Variants in PLA2G7 observed in about 807,000 individuals in gnomAD.
PLA2G7 encodes the protein platelet-activating factor acetylhydrolase.
PLA2G7 carries 63 observed loss-of-function variants against 49.6 expected under a neutral mutation model. The ratio of observed to expected loss-of-function variants is 1.27; its 90% CI spans 1.04 to 1.57. The LOEUF (loss-of-function observed/expected upper bound fraction) is 1.57, where lower values mean the gene tolerates loss of function less well. Among genes scored for constraint, PLA2G7 ranks in the 40% most tolerant of loss-of-function variants. The pLI is 0.00. For missense variants in PLA2G7, 596 were observed against 521.2 expected, an observed-to-expected ratio of 1.14 and a Z score of -1.40; for synonymous variants, 193 against 169.9, an observed-to-expected ratio of 1.14 and a Z score of -1.06.
intron 1 of PLA2G7, among the ~76,000 whole-genome samples, chr6:46,723,380 G>T (rs12203227): frequency 3.3e-5 from 5 of 152,070 alleles, no homozygotes; most frequent in African/African-American, 1.2e-4. Context: ...TGGTTGTTTT[G>T]GGTGTTAATA....
chr6:46,718,293 T>C (rs929110104), intron 2 of PLA2G7, among the ~76,000 whole-genome samples: 1 of 152,248 alleles, frequency 6.6e-6, no homozygotes, highest in Admixed American at 6.5e-5. Flanking sequence ...AGGAGGAATG[T>C]ATTGTAATCT....
chr6:46,722,975 T>C, intron 1 of PLA2G7, 50 bp from the exon 2 acceptor site: 1 of 762,312 alleles, frequency 1.3e-6, no homozygotes, highest in South Asian at 1.5e-5. Flanking sequence ...TGAAGAGGCC[T>C]TAAATAAGCT....
intron 9 of PLA2G7, 54 bp downstream of exon 9, chr6:46,709,273 A>G (rs1251538682): frequency 2.0e-6 from 2 of 1,012,966 alleles, no homozygotes; most frequent in Non-Finnish European, 3.1e-6. Flanking sequence ...ATCTCACAAT[A>G]TAATTTCTTC....
At chr6:46,734,770 T>A (rs897009360) in intron 1 of PLA2G7, among the ~76,000 whole-genome samples, 2 of 150,336 alleles carry the variant, frequency 1.3e-5, no homozygotes, top group African/African-American at 2.4e-5. Context: ...TTGCAGTGAG[T>A]CGAGATCGCG....
At chr6:46,712,585 T>C (rs1765064314) in intron 5 of PLA2G7, among the ~76,000 whole-genome samples, 1 of 152,192 alleles carries the variant, frequency 6.6e-6, no homozygotes, top group Non-Finnish European at 1.5e-5. Context: ...AAAGGGATGC[T>C]GTCAAGCATC....
At chr6:46,722,601 C>T (rs1765435694) in intron 2 of PLA2G7, among the ~76,000 whole-genome samples, 182 bp downstream of exon 2, 1 of 152,172 alleles carries the variant, frequency 6.6e-6, no homozygotes, top group East Asian at 1.9e-4. Flanking sequence ...ACAAGTGCTT[C>T]TTCAATTTCA....
chr6:46,723,521 G>A (rs1765470374), intron 1 of PLA2G7, among the ~76,000 whole-genome samples: 1 of 152,188 alleles, frequency 6.6e-6, no homozygotes, highest in South Asian at 2.1e-4. Context: ...ATAGATGCTT[G>A]TTGAATCAGT....
upstream of PLA2G7, chr6:46,735,499 G>C (rs903552119): frequency 3.9e-5 from 6 of 152,560 alleles, no homozygotes; most frequent in African/African-American, 1.4e-4. Context: ...GGCTCCCGAC[G>C]CTAGCCTGCT....
rs1440380417 is a variant in PLA2G7 at position 46,722,812 on chromosome 6, A to T, written c.80T>A (p.Ile27Lys). Reference protein sequence around the residue: ...AVVYPFDWQYINPVAHMKSSA... With the variant: ...AVVYPFDWQYKNPVAHMKSSA... ...TGATTTCATATGGGCAACAGGATTT[A>T]TGTATTGCCAGTCAAAAGGATAAAC... Residue 27 changes from isoleucine (I) to lysine (K), a missense_variant, in exon 2 of 12, where the codon ATA (isoleucine) becomes AAA (lysine). By Grantham distance (102) the Ile-to-Lys change is moderately radical. Transcript: ENST00000274793. 1 of 1,611,204 alleles carries T rather than the reference A, an allele frequency of 6.2e-7. No homozygotes were observed. The highest frequency in any genetic ancestry group is 1.3e-5 in the African/African-American group (1 of 75,004).
intron 1 of PLA2G7, among the ~76,000 whole-genome samples, chr6:46,732,611 A>G (rs1411000307): frequency 6.6e-6 from 1 of 152,180 alleles, no homozygotes; most frequent in African/African-American, 2.4e-5. Context: ...CTAGGAATCA[A>G]CTAGCCCACT....
rs1267446837 is a variant in PLA2G7 at position 46,710,543 on chromosome 6, A to G, written c.777+2T>C. 6.5e-6 allele frequency: 10 copies of G among 1,547,734 alleles called. No homozygotes were observed. The highest frequency in any genetic ancestry group is 8.9e-6 in the Non-Finnish European group (10 of 1,119,630). ...AGAGAAAAATTACTTTTTATAGCTT[A>G]CCTTCAGTTGTTCCATATCAAACTT... On this transcript the variant is annotated splice_donor_variant, in intron 8 of 11. Transcript: ENST00000274793. LOFTEE classifies it high-confidence loss of function.
At chr6:46,716,627 CTG>C in intron 3 of PLA2G7, 99 bp from the exon 4 acceptor site, 1 of 1,224,864 alleles carries the variant, frequency 8.2e-7, no homozygotes, top group Non-Finnish European at 1.2e-6. Flanking sequence ...TCAAATACCT[CTG>C]TGTTCACAAA....
chr6:46,724,861 A>C (rs546574486), intron 1 of PLA2G7, among the ~76,000 whole-genome samples: 5 of 152,334 alleles, frequency 3.3e-5, no homozygotes, highest in African/African-American at 1.2e-4. Flanking sequence ...TTAATGGAGC[A>C]CAGCATGGCC....
At chr6:46,728,954 T>C (rs1183406135) in intron 1 of PLA2G7, among the ~76,000 whole-genome samples, 2 of 152,236 alleles carry the variant, frequency 1.3e-5, no homozygotes, top group Non-Finnish European at 2.9e-5. Context: ...GTTAAGTTCT[T>C]ACCTACTTTC....
intron 2 of PLA2G7, among the ~76,000 whole-genome samples, chr6:46,719,140 C>T (rs1765311406): frequency 6.6e-6 from 1 of 152,196 alleles, no homozygotes; most frequent in Non-Finnish European, 1.5e-5. Context: ...TCAGCTTGTC[C>T]ACCCATTCCT....
rs1442227063 is a variant in PLA2G7, at chr6:46,716,972, T to C, written c.231+3A>G. The stretch of plus-strand genomic sequence containing the variant: ...GGATAAGTTGTATAAATCAAAGCAT[T>C]ACCTTATTAGTGTGATCAAACATTA... On this transcript the variant is annotated splice_donor_region_variant and intron_variant, in intron 3 of 11. Transcript: ENST00000274793. 1 of 1,612,704 alleles carries C rather than the reference T, an allele frequency of 6.2e-7. No individual in the cohort carries two copies. Among genetic ancestry groups the C allele is most frequent in the Admixed American group, 1.7e-5 (1 of 60,018 alleles).
intron 4 of PLA2G7, among the ~76,000 whole-genome samples, chr6:46,714,859 C>T (rs1765151728): frequency 6.6e-6 from 1 of 151,236 alleles, no homozygotes; most frequent in Admixed American, 6.6e-5. Flanking sequence ...CCTCAGCCTC[C>T]CGATTAGCTG....
chr6:46,707,519 C>T (rs1764866934), intron 10 of PLA2G7, among the ~76,000 whole-genome samples: 1 of 152,122 alleles, frequency 6.6e-6, no homozygotes, highest in Admixed American at 6.6e-5. Context: ...ACAGTGAATT[C>T]TTGTGAGACC....
intron 1 of PLA2G7, among the ~76,000 whole-genome samples, chr6:46,734,330 G>A (rs984015835): frequency 6.6e-6 from 1 of 151,732 alleles, no homozygotes; most frequent in Non-Finnish European, 1.5e-5. Flanking sequence ...GAGAGGGAGA[G>A]AGGGAGAAGG....
Sources: gnomAD v4.1 joint callset for allele counts (sites outside exome capture counted in the v4.1 genomes callset) on GRCh38, gnomAD v4.1.1 for gene constraint, MANE v1.5 for transcripts, NCBI Gene and HGNC (gene_info 2026-07-23, HGNC 2026-07-21) for gene names.